The following CUL4B variants were observed in gnomAD, a reference collection of about 807,000 sequenced individuals.
CUL4B encodes cullin 4B, also known as cullin-4B.
CUL4B carries 1 observed loss-of-function variant against 69.2 expected under a neutral mutation model. That is an observed-to-expected ratio of 0.01 (90% CI 0.01 to 0.07). CUL4B has a LOEUF of 0.07. Ranked by LOEUF, CUL4B falls within the 10% of genes least tolerant of loss-of-function variation. CUL4B has a pLI of 1.00. For synonymous variants in CUL4B, 237 were observed against 223.2 expected, an observed-to-expected ratio of 1.06 and a Z score of -0.55; for missense variants, 328 against 638.8, an observed-to-expected ratio of 0.51 and a Z score of 5.24.
intron 5 of CUL4B, among the ~76,000 whole-genome samples, chrX:120,545,010 T>G (rs778785061): frequency 7.1e-5 from 8 of 112,578 alleles, no homozygotes; most frequent in Admixed American, 2.8e-4. Flanking sequence ...ATTTATCAAC[T>G]GGTTTCAATA....
At chrX:120,553,974 T>C (rs1043562902) in intron 2 of CUL4B, among the ~76,000 whole-genome samples, 12 of 111,665 alleles carry the variant, frequency 1.1e-4, no homozygotes, top group African/African-American at 3.6e-4. Context: ...TTCTATTATT[T>C]TTTCAATTTC....
Position 120,560,797 on chromosome X carries a change from CG to C in CUL4B, c.-160del. ...AGGAAAGTGAAGGGGGGGGCTACAC[CG>C]GGGGAATGGGAGGGTTTGGGAAGGC... On this transcript the variant is annotated 5_prime_UTR_variant, in exon 1 of 20. Coordinates refer to ENST00000371322, the MANE Select transcript of CUL4B (RefSeq NM_001079872.2). The C allele has an allele frequency of 1.1e-6, 1 of 890,757 alleles. No homozygotes were observed. Among genetic ancestry groups the C allele is most frequent in the Non-Finnish European group, 1.4e-6 (1 of 733,751 alleles). The allele number at this position is 890,757 out of a possible 1,213,427, so 73.4% of individuals were successfully genotyped here.
At chrX:120,543,517 C>T (rs1226880051) in intron 8 of CUL4B, among the ~76,000 whole-genome samples, 2 of 110,020 alleles carry the variant, frequency 1.8e-5, no homozygotes, top group South Asian at 7.7e-4. Flanking sequence ...CACACACACA[C>T]ACACACACAC....
Position 120,541,781 on chromosome X carries a change from A to G in CUL4B, c.1325-61T>C, listed in dbSNP as rs908184703. 5.6e-6 allele frequency: 4 copies of G among 709,699 alleles called. No homozygotes were observed. In the African/African-American group the frequency reaches 6.3e-5, roughly 11 times the overall value. 58.5% of individuals were successfully genotyped at this position (709,699 alleles called of 1,213,427 possible). A position where few individuals can be genotyped will look rare whatever the true frequency, so the allele number is the denominator to read the frequency against. ...GAACAAAAAAGTGAACAAGATTATC[A>G]GACATTTTAATAAAATTTGAGTTAT... On this transcript the variant is annotated intron_variant, in intron 9 of 19. Transcript: ENST00000371322.
rs190747316 is a variant in CUL4B at position 120,524,204 on chromosome X, A to T, written c.*2557T>A. 1.8e-5 allele frequency among the ~76,000 whole-genome samples: 2 copies of T among 111,458 alleles called. No homozygotes were observed. The highest frequency in any genetic ancestry group is 6.5e-5 in the African/African-American group (2 of 30,800). ...TTGAGGAACATCTTACTCTGAGAGT[A>T]TCTGGCCCAGAACTCAAAAAACTAT... On this transcript the variant is annotated 3_prime_UTR_variant, in exon 20 of 20. Transcript: ENST00000371322.
Position 120,547,156 on chromosome X carries a change from T to G in CUL4B, c.756A>C (p.Ala252=). Residue 252 remains alanine (A), a synonymous_variant, in exon 3 of 20, where the codon GCA becomes GCC. Transcript: ENST00000371322. ...GATATTCTCTGAATTGATGAATCTG[T>G]GCTTTGATGTGATCTTCGCAGATCT... ...LRQICEDHIK[A]QIHQFREDSL... 8.3e-7 allele frequency: 1 copy of G among 1,200,272 alleles called. No individual in the cohort carries two copies. Among genetic ancestry groups the G allele is most frequent in the Non-Finnish European group, 1.1e-6 (1 of 885,228 alleles).
intron 11 of CUL4B, 133 bp from the exon 12 acceptor site, chrX:120,539,505 T>G: frequency 4.8e-6 from 2 of 420,436 alleles, no homozygotes; most frequent in Non-Finnish European, 8.4e-6. Flanking sequence ...TTTTTAAAAG[T>G]CTCCAAAGTC....
At chrX:120,562,427 C>T (rs1925362493), upstream of CUL4B, among the ~76,000 whole-genome samples, 1 of 112,173 alleles carries the variant, frequency 8.9e-6, no homozygotes, top group South Asian at 3.6e-4. Context: ...ATTTGCCAAC[C>T]TGTTGATCAT....
At chrX:120,543,388 TTAA>T (rs1924119990) in intron 8 of CUL4B, among the ~76,000 whole-genome samples, 1 of 110,680 alleles carries the variant, frequency 9.0e-6, no homozygotes, top group South Asian at 3.8e-4. Flanking sequence ...ACTGGCAATA[TTAA>T]TACTTAGGAA....
At chrX:120,531,407 C>G (rs1441954042) in intron 18 of CUL4B, among the ~76,000 whole-genome samples, 2 of 108,682 alleles carry the variant, frequency 1.8e-5, no homozygotes, top group Non-Finnish European at 1.9e-5. Flanking sequence ...AGTTGGAAGT[C>G]TCTTACAAAT....
chrX:120,536,056 G>A, intron 15 of CUL4B, 113 bp from the exon 16 acceptor site: 2 of 529,416 alleles, frequency 3.8e-6, no homozygotes, highest in South Asian at 2.7e-5. Flanking sequence ...ACTATATCCA[G>A]TAGGTCCACC....
chrX:120,565,480 G>A (rs1925467614), upstream of CUL4B, among the ~76,000 whole-genome samples: 1 of 107,858 alleles, frequency 9.3e-6, no homozygotes, highest in Non-Finnish European at 1.9e-5. Context: ...CCAGGAGTTT[G>A]AGACCAGCCT....
intron 2 of CUL4B, among the ~76,000 whole-genome samples, chrX:120,573,598 T>A (rs868294783): frequency 3.5e-4 from 39 of 111,709 alleles, no homozygotes; most frequent in African/African-American, 1.2e-3. Context: ...CTGCCCCATA[T>A]CCTTAGCCAC....
At chrX:120,551,630 A>G (rs1004189556) in intron 2 of CUL4B, among the ~76,000 whole-genome samples, 34 of 112,335 alleles carry the variant, frequency 3.0e-4, no homozygotes, top group Admixed American at 2.7e-3. Flanking sequence ...AGGAAATCTA[A>G]TGTCACAATC....
intron 18 of CUL4B, among the ~76,000 whole-genome samples, chrX:120,530,932 A>G (rs6603633): frequency 3.6e-4 from 40 of 111,843 alleles, no homozygotes; most frequent in African/African-American, 1.2e-3. Context: ...ATGTTTTAAA[A>G]GTAAGGACAT....
rs1038052233 is a variant in CUL4B at position 120,531,962 on chromosome X, C to T, written c.2439+460G>A. On this transcript the variant is annotated intron_variant, in intron 18 of 19. Coordinates refer to ENST00000371322, the MANE Select transcript of CUL4B (RefSeq NM_001079872.2). Reference sequence around the variant, plus strand: ...TACTAAGACTCCTAAAATGTTCATACCCTTTAACCCAAAAAAATCTACTTC... The same window carrying T: ...TACTAAGACTCCTAAAATGTTCATATCCTTTAACCCAAAAAAATCTACTTC... 2.7e-5 allele frequency among the ~76,000 whole-genome samples: 3 copies of T among 110,946 alleles called. No individual in the cohort carries two copies. The East Asian group carries it at 8.4e-4, about 31-fold the overall frequency.
intron 10 of CUL4B, among the ~76,000 whole-genome samples, chrX:120,540,946 G>C (rs1303562608): frequency 8.9e-6 from 1 of 112,374 alleles, no homozygotes; most frequent in East Asian, 2.8e-4. Context: ...GAAGCCTCTG[G>C]GATCTTTTCC....
intron 14 of CUL4B, 129 bp downstream of exon 14, chrX:120,537,995 T>C: frequency 6.1e-6 from 3 of 489,577 alleles, no homozygotes. Flanking sequence ...TTTTCTACTG[T>C]GAATATCACC....
At chrX:120,538,468 G>C in intron 13 of CUL4B, 192 bp downstream of exon 13, 3 of 423,102 alleles carry the variant, frequency 7.1e-6, no homozygotes, top group Non-Finnish European at 1.2e-5. Context: ...CAAGAACAAT[G>C]CTTTATCTTA....
Sources: allele counts gnomAD v4.1 joint callset (sites outside exome capture counted in the v4.1 genomes callset), GRCh38; gene constraint gnomAD v4.1.1; transcripts MANE v1.5; gene names NCBI Gene and HGNC (gene_info 2026-07-23, HGNC 2026-07-21).